DNM3: variants seen among roughly 807,000 people sequenced by gnomAD.
The protein encoded by DNM3 is dynamin 3, also known as dynamin-3.
Under a neutral mutation model 101.6 loss-of-function variants are expected in DNM3, and 47 were observed. The ratio of observed to expected loss-of-function variants is 0.46; its 90% confidence interval spans 0.37 to 0.59. DNM3 has a LOEUF of 0.59. Among genes scored for constraint, DNM3 ranks in the 20% least tolerant of loss-of-function variants. The pLI, the probability that DNM3 is intolerant of heterozygous loss-of-function variation, is 0.00. For synonymous variants in DNM3, 385 were observed against 387.9 expected, an observed-to-expected ratio of 0.99 and a Z score of 0.09; for missense variants, 849 against 1,085.7, an observed-to-expected ratio of 0.78 and a Z score of 3.06.
chr1:172,306,987 A>G (rs1420499533), intron 15 of DNM3, among the ~76,000 whole-genome samples: 1 of 152,230 alleles, frequency 6.6e-6, no homozygotes, highest in Non-Finnish European at 1.5e-5. Context: ...CATGTCTAAA[A>G]CACCAAAAGC....
chr1:171,960,512 C>CT (rs1050640695), intron 2 of DNM3, among the ~76,000 whole-genome samples: 4 of 152,032 alleles, frequency 2.6e-5, no homozygotes, highest in African/African-American at 9.7e-5. Flanking sequence ...AAGGTGCGGA[C>CT]TTTAAGAGGT....
At chr1:172,417,048 T>C (rs912093685), downstream of DNM3, among the ~76,000 whole-genome samples, 2 of 152,006 alleles carry the variant, frequency 1.3e-5, no homozygotes, top group African/African-American at 2.4e-5. Context: ...TAACATCTCA[T>C]AGAAAATGAA....
chr1:172,101,503 G>A (rs1056386125), intron 13 of DNM3, among the ~76,000 whole-genome samples: 3 of 152,128 alleles, frequency 2.0e-5, no homozygotes, highest in South Asian at 4.1e-4. Flanking sequence ...AATAGTAACT[G>A]TTTCATAAGG....
At chr1:172,378,848 T>C (rs893069860) in intron 17 of DNM3, among the ~76,000 whole-genome samples, 170 bp from the exon 18 acceptor site, 4 of 151,522 alleles carry the variant, frequency 2.6e-5, no homozygotes, top group Admixed American at 2.6e-4. Context: ...TAACGGCAGG[T>C]TCCCCCATCT....
Position 172,388,652 on chromosome 1 carries a change from C to T in DNM3, c.2365C>T (p.Pro789Ser), listed in dbSNP as rs1367115801. 6.2e-7 allele frequency: 1 copy of T among 1,613,896 alleles called. No homozygotes were observed. The highest frequency in any genetic ancestry group is 1.7e-5 in the Admixed American group (1 of 60,004). ...PLARPTSGRG[P>S]APAIPSPGPH... ...CGCAAGGCCCACATCCGGCCGAGGACCAGCTCCTGCCATTCCCTCTCCTGG... is the reference window on the plus strand; with the variant it reads ...CGCAAGGCCCACATCCGGCCGAGGATCAGCTCCTGCCATTCCCTCTCCTGG... The change falls in exon 20 of 21, where the codon CCA becomes TCA. Residue 789 changes from proline to serine, a missense_variant. Pro to Ser is a moderately conservative substitution (Grantham distance 74, BLOSUM62 -1). Transcript: ENST00000627582.
chr1:172,284,612 A>G (rs893779300), intron 15 of DNM3, among the ~76,000 whole-genome samples: 1 of 152,226 alleles, frequency 6.6e-6, no homozygotes, highest in African/African-American at 2.4e-5. Flanking sequence ...TACCATAGGA[A>G]CATTATACAG....
chr1:171,925,789 G>A (rs921254743), intron 2 of DNM3, among the ~76,000 whole-genome samples: 1 of 152,132 alleles, frequency 6.6e-6, no homozygotes, highest in African/African-American at 2.4e-5. Context: ...CTAGGCTGAT[G>A]TCTGGAGAAG....
intron 15 of DNM3, chr1:172,290,141 A>C (rs1326096346): frequency 5.7e-6 from 2 of 351,534 alleles, no homozygotes; most frequent in African/African-American, 4.4e-5. Context: ...TATAACATAA[A>C]TGCTAGGAAT....
At position 172,297,482 on chromosome 1, in the gene DNM3, T is replaced by G. The variant is rs141755832; in HGVS notation, c.1770-11246T>G. ...GGATGTCCTTAACCTCTGTTATTTT[T>G]ATATTTCCTATTTCCTTAATTTTGG... On this transcript the variant is annotated intron_variant, in intron 15 of 20. Transcript: ENST00000627582. 2.9e-3 allele frequency among the ~76,000 whole-genome samples: 447 copies of G among 152,260 alleles called. 5 individuals carry two copies. Among genetic ancestry groups the G allele is most frequent in the African/African-American group, 9.9e-3 (412 of 41,586 alleles).
At chr1:172,036,511 C>T (rs1053455569) in intron 6 of DNM3, among the ~76,000 whole-genome samples, 53 of 152,064 alleles carry the variant, frequency 3.5e-4, no homozygotes, top group Admixed American at 2.8e-3. Flanking sequence ...ACTGTCTGAT[C>T]TTTGACAAAC....
At chr1:172,368,686 T>C (rs2068158626) in intron 17 of DNM3, among the ~76,000 whole-genome samples, 1 of 151,704 alleles carries the variant, frequency 6.6e-6, no homozygotes, top group Non-Finnish European at 1.5e-5. Context: ...GTTGGTTTTC[T>C]GAAAAGATAA....
At chr1:172,218,577 GGGGGTTTGT>G (rs1282333502) in intron 14 of DNM3, among the ~76,000 whole-genome samples, 6 of 151,978 alleles carry the variant, frequency 3.9e-5, no homozygotes, top group Admixed American at 1.3e-4. Context: ...ATAGAAACGT[GGGGGTTTGT>G]GGTATATGAT....
At chr1:172,343,952 T>C (rs1330549061) in intron 17 of DNM3, among the ~76,000 whole-genome samples, 1 of 152,196 alleles carries the variant, frequency 6.6e-6, no homozygotes, top group Non-Finnish European at 1.5e-5. Context: ...ACTGACCAAG[T>C]AATTGTTTTT....
At chr1:172,212,955 C>T (rs1191005208) in intron 14 of DNM3, among the ~76,000 whole-genome samples, 1 of 151,770 alleles carries the variant, frequency 6.6e-6, no homozygotes, top group Non-Finnish European at 1.5e-5. Context: ...AGTCAAACAT[C>T]TTTTTTTTGT....
At chr1:172,248,007 A>G (rs956061497) in intron 14 of DNM3, among the ~76,000 whole-genome samples, 7 of 152,068 alleles carry the variant, frequency 4.6e-5, no homozygotes, top group Non-Finnish European at 1.5e-5. Flanking sequence ...TTATTCTAAT[A>G]TAATCTCTTT....
At chr1:171,930,592 C>T (rs778965180) in intron 2 of DNM3, among the ~76,000 whole-genome samples, 25 of 152,070 alleles carry the variant, frequency 1.6e-4, no homozygotes, top group East Asian at 3.9e-4. Flanking sequence ...TGCAAAGATC[C>T]GTGGGAGAAG....
chr1:172,194,137 G>T (rs1300406601), intron 14 of DNM3, among the ~76,000 whole-genome samples: 1 of 152,178 alleles, frequency 6.6e-6, no homozygotes, highest in Non-Finnish European at 1.5e-5. Context: ...TCATTCAGGA[G>T]CAGGTTGTTC....
At position 172,409,903 on chromosome 1, in the gene DNM3, G is replaced by A; in HGVS notation, c.*2062G>A. The stretch of plus-strand genomic sequence containing the variant: ...AAGGAAAATATTGTGAATAACCACT[G>A]GTGTGTTCTTAGATCAGCACAAACC... On this transcript the variant is annotated 3_prime_UTR_variant, in exon 21 of 21. Coordinates refer to ENST00000627582, the MANE Select transcript of DNM3 (RefSeq NM_015569.5). The A allele has an allele frequency of 1.0e-6, 1 of 985,654 alleles. No individual in the cohort carries two copies. Among genetic ancestry groups the A allele is most frequent in the Non-Finnish European group, 1.2e-6 (1 of 829,864 alleles). The allele number at this position is 985,654 out of a possible 1,614,324, so 61.1% of individuals were successfully genotyped here.
At chr1:172,008,289 C>T (rs1019710332) in intron 4 of DNM3, among the ~76,000 whole-genome samples, 36 of 152,030 alleles carry the variant, frequency 2.4e-4, no homozygotes, top group Non-Finnish European at 2.9e-4. Context: ...ATCAATGTCA[C>T]GAAGAGTTTC....
Sources: allele counts gnomAD v4.1 joint callset (sites outside exome capture counted in the v4.1 genomes callset), GRCh38; gene constraint gnomAD v4.1.1; transcripts MANE v1.5; gene names NCBI Gene and HGNC (gene_info 2026-07-23, HGNC 2026-07-21).